Variants in FNDC3A observed in about 807,000 individuals in gnomAD.
The protein encoded by FNDC3A is fibronectin type-III domain-containing protein 3A.
Under a neutral mutation model 148.9 loss-of-function variants are expected in FNDC3A, and 32 were observed. That is an observed-to-expected ratio of 0.21 (90% CI 0.16 to 0.29). FNDC3A has a LOEUF of 0.29. Ranked by LOEUF, FNDC3A falls within the 10% of genes least tolerant of loss-of-function variation. The pLI is 1.00. For synonymous variants in FNDC3A, 472 were observed against 473.6 expected (o/e 1.00, Z 0.04); for missense variants, 1,191 against 1,452.8 (o/e 0.82, Z 2.93).
rs1240261640 is a variant in FNDC3A at position 49,203,110 on chromosome 13, A to G, written c.3155-47A>G. 4.5e-6 allele frequency: 6 copies of G among 1,325,442 alleles called. No individual in the cohort carries two copies. The African/African-American group carries it at 8.9e-5, about 20-fold the overall frequency. 82.1% of individuals were successfully genotyped at this position (1,325,442 alleles called of 1,614,324 possible). A position where few individuals can be genotyped will look rare whatever the true frequency, so the allele number is the denominator to read the frequency against. ...GACAAGTGTCTGCATGATGTACCAAATTAAAAATCAAGTGGAACAGATATT... is the reference window on the plus strand; with the variant it reads ...GACAAGTGTCTGCATGATGTACCAAGTTAAAAATCAAGTGGAACAGATATT... On this transcript the variant is annotated intron_variant, in intron 24 of 25. Coordinates refer to ENST00000492622, the MANE Select transcript of FNDC3A (RefSeq NM_001079673.2).
intron 20 of FNDC3A, among the ~76,000 whole-genome samples, chr13:49,197,213 T>C (rs1886197688): frequency 1.3e-5 from 2 of 152,362 alleles, no homozygotes; most frequent in Middle Eastern, 3.4e-3. Flanking sequence ...TGCTTTGTAT[T>C]TTTATGAATG....
intron 2 of FNDC3A, among the ~76,000 whole-genome samples, chr13:49,007,340 G>A (rs1004568547): frequency 1.3e-5 from 2 of 151,940 alleles, no homozygotes; most frequent in African/African-American, 2.4e-5. Flanking sequence ...AATTTTTTAC[G>A]TGCTCTTATC....
At chr13:49,194,706 T>C (rs964719293) in intron 19 of FNDC3A, among the ~76,000 whole-genome samples, 1 of 152,176 alleles carries the variant, frequency 6.6e-6, no homozygotes, top group Middle Eastern at 3.2e-3. Context: ...TTTGAAGTGG[T>C]GATTTGTGAA....
intron 10 of FNDC3A, among the ~76,000 whole-genome samples, chr13:49,169,295 T>C (rs1013727887): frequency 1.3e-5 from 2 of 152,222 alleles, no homozygotes; most frequent in Admixed American, 6.5e-5. Flanking sequence ...TTTTCTGAAA[T>C]AGTGTGGACT....
intron 3 of FNDC3A, among the ~76,000 whole-genome samples, chr13:49,083,621 A>G (rs1878619976): frequency 1.3e-5 from 2 of 152,114 alleles, no homozygotes; most frequent in African/African-American, 4.8e-5. Context: ...TAACCTAGAA[A>G]AGAGGGCAGT....
chr13:49,110,513 C>A, intron 3 of FNDC3A: 1 of 793,476 alleles, frequency 1.3e-6, no homozygotes, highest in Non-Finnish European at 2.2e-6. Flanking sequence ...TAAATATCAT[C>A]GCCATAAAAT....
intron 2 of FNDC3A, among the ~76,000 whole-genome samples, chr13:49,017,060 G>A (rs973601414): frequency 6.6e-6 from 1 of 152,024 alleles, no homozygotes; most frequent in Non-Finnish European, 1.5e-5. Flanking sequence ...GTGTGGTGCT[G>A]AAAAAAATGT....
In FNDC3A at chr13:49,019,286, G is replaced by A. The variant is rs189152828; in HGVS notation, c.99+12997G>A. On this transcript the variant is annotated intron_variant, in intron 2 of 25. Transcript: ENST00000492622. ...GGGCGTAGGACCCTCTGAGCTAGGT[G>A]CGGGATATAATCTTCTGGTGCGCCG... Among the ~76,000 whole-genome samples, 428 of 152,374 alleles carry A rather than the reference G, an allele frequency of 2.8e-3. 2 individuals carry two copies. The highest frequency in any genetic ancestry group is 9.8e-3 in the African/African-American group (407 of 41,590).
At chr13:49,138,871 A>G in intron 7 of FNDC3A, 66 bp downstream of exon 7, 2 of 888,478 alleles carry the variant, frequency 2.3e-6, no homozygotes, top group South Asian at 1.9e-5. Context: ...TTCATCCATC[A>G]AAATGTAGTT....
chr13:49,088,121 A>G (rs1020929672), intron 3 of FNDC3A, among the ~76,000 whole-genome samples: 1 of 152,130 alleles, frequency 6.6e-6, no homozygotes. Context: ...AAATTTTTCT[A>G]ATATCTAACC....
intron 2 of FNDC3A, among the ~76,000 whole-genome samples, chr13:49,016,439 C>G (rs1872784684): frequency 6.6e-6 from 1 of 151,832 alleles, no homozygotes; most frequent in South Asian, 2.1e-4. Flanking sequence ...TCTGTGGGAT[C>G]TGGTGATATC....
intron 2 of FNDC3A, among the ~76,000 whole-genome samples, chr13:49,055,156 T>C (rs1334067616): frequency 4.0e-5 from 6 of 151,622 alleles, no homozygotes. Flanking sequence ...CAGGCTGGGG[T>C]GCGGTGTCAC....
intron 12 of FNDC3A, 70 bp from the exon 13 acceptor site, chr13:49,175,297 C>T: frequency 9.3e-7 from 1 of 1,080,080 alleles, no homozygotes; most frequent in Non-Finnish European, 1.3e-6. Context: ...AAAATTACAT[C>T]TGTCACAAAC....
At position 49,198,530 on chromosome 13, in the gene FNDC3A, C is replaced by T. The variant is rs752764665; in HGVS notation, c.2943C>T (p.Thr981=). 3.3e-5 allele frequency: 53 copies of T among 1,613,942 alleles called. No individual in the cohort carries two copies. The highest frequency in any genetic ancestry group is 3.3e-5 in the Admixed American group (2 of 59,990). The change falls in exon 23 of 26, where the codon ACC becomes ACT. Residue 981 remains threonine (T), a synonymous_variant. Coordinates refer to ENST00000492622, the MANE Select transcript of FNDC3A (RefSeq NM_001079673.2). ...AAGGAACTCCAAAGACATTGTCAAC[C>T]GATTCTATTCAGTACCACCTTCAGA... ...WGEGTPKTLS[T]DSIQYHLQME... is the part of the protein sequence containing the mutation.
chr13:49,179,961 A>G (rs1885223149), intron 14 of FNDC3A, among the ~76,000 whole-genome samples: 1 of 152,218 alleles, frequency 6.6e-6, no homozygotes, highest in African/African-American at 2.4e-5. Context: ...GCACCCTCCC[A>G]ATGGACACAG....
At chr13:49,090,588 G>A (rs1220442008) in intron 3 of FNDC3A, among the ~76,000 whole-genome samples, 1 of 150,062 alleles carries the variant, frequency 6.7e-6, no homozygotes, top group Non-Finnish European at 1.5e-5. Context: ...TATTGCAAGT[G>A]CCCCCCCACC....
intron 2 of FNDC3A, among the ~76,000 whole-genome samples, chr13:49,053,244 C>T (rs1875981427): frequency 6.6e-6 from 1 of 152,144 alleles, no homozygotes; most frequent in African/African-American, 2.4e-5. Context: ...GTGGATTCTC[C>T]CGGCTTTCTT....
intron 8 of FNDC3A, among the ~76,000 whole-genome samples, chr13:49,153,342 C>A (rs1429715368): frequency 6.6e-6 from 1 of 152,124 alleles, no homozygotes; most frequent in African/African-American, 2.4e-5. Context: ...TGTTCATGTC[C>A]TTCGCCCACT....
intron 5 of FNDC3A, among the ~76,000 whole-genome samples, chr13:49,133,360 T>G (rs1375863209): frequency 6.6e-6 from 1 of 152,260 alleles, no homozygotes; most frequent in African/African-American, 2.4e-5. Context: ...CAATTATTAC[T>G]ATTTTGCATT....
Sources: allele counts gnomAD v4.1 joint callset (sites outside exome capture counted in the v4.1 genomes callset), GRCh38; gene constraint gnomAD v4.1.1; transcripts MANE v1.5; gene names NCBI Gene and HGNC (gene_info 2026-07-23, HGNC 2026-07-21).